Variants in BHLHA15 observed in about 807,000 individuals in gnomAD.
BHLHA15 encodes the protein class A basic helix-loop-helix protein 15.
Under a neutral mutation model 10.4 loss-of-function variants are expected in BHLHA15, and 7 were observed. The observed-to-expected ratio is 0.67, with a 90% confidence interval of 0.38 to 1.26. The LOEUF (loss-of-function observed/expected upper bound fraction) is 1.26, where lower values mean the gene tolerates loss of function less well. Ranked by LOEUF, BHLHA15 falls within the 50% of genes most tolerant of loss-of-function variation. The pLI, the probability that BHLHA15 is intolerant of heterozygous loss-of-function variation, is 0.02. For missense variants in BHLHA15, 289 were observed against 287.4 expected, an observed-to-expected ratio of 1.01 and a Z score of -0.04; for synonymous variants, 140 against 131.5, an observed-to-expected ratio of 1.06 and a Z score of -0.44.
rs1797939442 is a variant in BHLHA15 at position 98,213,444 on chromosome 7, C to T, written c.*565C>T. On this transcript the variant is annotated 3_prime_UTR_variant, in exon 2 of 2. Transcript: ENST00000609256. ...CAGAGATGATTGGAGCTGCCAGAAACTCTAATCAGATGACCTCCAATTCAT... is the reference window on the plus strand; with the variant it reads ...CAGAGATGATTGGAGCTGCCAGAAATTCTAATCAGATGACCTCCAATTCAT... Among the ~76,000 whole-genome samples, 1 of 152,208 alleles carries T rather than the reference C, an allele frequency of 6.6e-6. No homozygotes were observed. Among genetic ancestry groups the T allele is most frequent in the African/African-American group, 2.4e-5 (1 of 41,450 alleles).
At position 98,212,618 on chromosome 7, in the gene BHLHA15, C is replaced by T; in HGVS notation, c.309C>T (p.Pro103=). 6.2e-7 allele frequency: 1 copy of T among 1,607,238 alleles called. No homozygotes were observed. The highest frequency in any genetic ancestry group is 8.5e-7 in the Non-Finnish European group (1 of 1,177,912). ...TCCAGGCCCTGCGTGAAGTCATCCCCCACGTGCGCGCGGACAAGAAGCTCT... is the reference window on the plus strand; with the variant it reads ...TCCAGGCCCTGCGTGAAGTCATCCCTCACGTGCGCGCGGACAAGAAGCTCT... The part of the protein sequence containing the change: ...NAFQALREVI[P]HVRADKKLSK... The change falls in exon 2 of 2, where the codon CCC becomes CCT. Residue 103 remains proline (P), a synonymous_variant. Coordinates refer to ENST00000609256, the MANE Select transcript of BHLHA15 (RefSeq NM_177455.4).
rs991838288 is a variant in BHLHA15, at chr7:98,215,235, C to A, written c.*2356C>A. On this transcript the variant is annotated 3_prime_UTR_variant, in exon 2 of 2. Transcript: ENST00000609256. ...CCTGAGAGCTCCGAAGGCGCGATCC[C>A]CATCCCCACCAGTGGAGAAGCCAGA... The A allele has an allele frequency of 6.6e-6, 1 of 152,266 alleles. No individual in the cohort carries two copies. Among genetic ancestry groups the A allele is most frequent in the Non-Finnish European group, 1.5e-5 (1 of 68,066 alleles). The allele number at this position is 152,266 out of a possible 1,614,324, so 9.4% of individuals were successfully genotyped here.
Position 98,213,819 on chromosome 7 carries a change from G to C in BHLHA15, c.*940G>C, listed in dbSNP as rs897079834. 6.6e-6 allele frequency among the ~76,000 whole-genome samples: 1 copy of C among 152,222 alleles called. No homozygotes were observed. The highest frequency in any genetic ancestry group is 2.4e-5 in the African/African-American group (1 of 41,454). On this transcript the variant is annotated 3_prime_UTR_variant, in exon 2 of 2. Coordinates refer to ENST00000609256, the MANE Select transcript of BHLHA15 (RefSeq NM_177455.4). ...GTTATCATATAATTGGCACCATGCT[G>C]TCTGTAGGACATTATGACGTGCTTG... is the stretch of plus-strand genomic sequence containing the variant.
rs1408681199 is a variant in BHLHA15, at chr7:98,213,706, C to A, written c.*827C>A. Among the ~76,000 whole-genome samples the A allele has an allele frequency of 1.3e-5, 2 of 152,222 alleles. No homozygotes were observed. The highest frequency in any genetic ancestry group is 4.8e-5 in the African/African-American group (2 of 41,466). On this transcript the variant is annotated 3_prime_UTR_variant, in exon 2 of 2. Coordinates refer to ENST00000609256, the MANE Select transcript of BHLHA15 (RefSeq NM_177455.4). ...TGCTCCCCAAGAGCAGCTCTGAGGC[C>A]TCCTGCTCAGCCCTGGCCTGTGTGG... is the stretch of plus-strand genomic sequence containing the variant.
rs1314537481 is a variant in BHLHA15, at chr7:98,213,057, C to T, written c.*178C>T. On this transcript the variant is annotated 3_prime_UTR_variant, in exon 2 of 2. Coordinates refer to ENST00000609256, the MANE Select transcript of BHLHA15 (RefSeq NM_177455.4). ...TTCCCTGGAGCAATTTTTCCTGCCC[C>T]GCTGGGGACCAGCGAGTGGCCTAGT... 12 of 628,934 alleles carry T rather than the reference C, an allele frequency of 1.9e-5. No individual in the cohort carries two copies. The highest frequency in any genetic ancestry group is 7.2e-5 in the Admixed American group (2 of 27,712). The allele number at this position is 628,934 out of a possible 1,614,324, so 39.0% of individuals were successfully genotyped here.
At position 98,212,540 on chromosome 7, in the gene BHLHA15, G is replaced by T. The variant is rs1198983069; in HGVS notation, c.231G>T (p.Arg77=). The change falls in exon 2 of 2, where the codon CGG becomes CGT. Residue 77 remains arginine, a synonymous_variant. Coordinates refer to ENST00000609256, the MANE Select transcript of BHLHA15 (RefSeq NM_177455.4). ...GTCGTGACAGCAGCATCCAGCGGCG[G>T]CTGGAGAGCAACGAGAGGGAGCGGC... ...GGRRDSSIQR[R]LESNERERQR... 6.3e-7 allele frequency: 1 copy of T among 1,595,268 alleles called. No individual in the cohort carries two copies. The highest frequency in any genetic ancestry group is 8.5e-7 in the Non-Finnish European group (1 of 1,173,626).
rs750613099 is a variant in BHLHA15, at chr7:98,212,443, C to T, written c.134C>T (p.Pro45Leu). 7.9e-6 allele frequency: 12 copies of T among 1,521,836 alleles called. No homozygotes were observed. Among genetic ancestry groups the T allele is most frequent in the South Asian group, 2.4e-5 (2 of 81,658 alleles). 94.3% of individuals were successfully genotyped at this position (1,521,836 alleles called of 1,614,324 possible). ...PEPAKGLRSR[P>L]ARAAARAPGE... ...CCGGCCAAGGGTCTGCGGAGCCGGC[C>T]GGCCCGGGCCGCAGCAAGGGCTCCG... The change falls in exon 2 of 2, where the codon CCG becomes CTG. Residue 45 changes from proline to leucine, a missense_variant. Coordinates refer to ENST00000609256, the MANE Select transcript of BHLHA15 (RefSeq NM_177455.4).
Position 98,212,812 on chromosome 7 carries a change from A to T in BHLHA15, c.503A>T (p.Glu168Val). ...QVAGGALGAT[E>V]AQPQGHLQRY... ...GCTGGGGGTGCGTTGGGGGCCACGGAGGCCCAGCCCCAGGGCCACCTGCAG... is the reference window on the plus strand; with the variant it reads ...GCTGGGGGTGCGTTGGGGGCCACGGTGGCCCAGCCCCAGGGCCACCTGCAG... Residue 168 changes from glutamate to valine, a missense_variant, in exon 2 of 2, where the codon GAG becomes GTG. Physicochemically the swap from Glu to Val is moderately radical, Grantham distance 121. Coordinates refer to ENST00000609256, the MANE Select transcript of BHLHA15 (RefSeq NM_177455.4). The T allele has an allele frequency of 6.5e-7, 1 of 1,549,416 alleles. No homozygotes were observed. Among genetic ancestry groups the T allele is most frequent in the Non-Finnish European group, 8.7e-7 (1 of 1,149,856 alleles).
rs780228961 is a variant in BHLHA15 at position 98,213,440 on chromosome 7, G to GA, written c.*564dup. ...CAATCAGAGATGATTGGAGCTGCCA[G>GA]AAACTCTAATCAGATGACCTCCAAT... On this transcript the variant is annotated 3_prime_UTR_variant, in exon 2 of 2. Coordinates refer to ENST00000609256, the MANE Select transcript of BHLHA15 (RefSeq NM_177455.4). Among the ~76,000 whole-genome samples the GA allele has an allele frequency of 3.3e-5, 5 of 152,256 alleles. No homozygotes were observed. The highest frequency in any genetic ancestry group is 9.6e-5 in the African/African-American group (4 of 41,470).
In BHLHA15 at chr7:98,213,108, G is replaced by A. The variant is rs961058212; in HGVS notation, c.*229G>A. The A allele has an allele frequency of 2.3e-5, 12 of 524,712 alleles. No homozygotes were observed. The highest frequency in any genetic ancestry group is 8.3e-5 in the South Asian group (3 of 36,300). The allele number at this position is 524,712 out of a possible 1,614,324, so 32.5% of individuals were successfully genotyped here. On this transcript the variant is annotated 3_prime_UTR_variant, in exon 2 of 2. Coordinates refer to ENST00000609256, the MANE Select transcript of BHLHA15 (RefSeq NM_177455.4). The stretch of plus-strand genomic sequence containing the variant: ...TGCGGCTGTGGCCCTGGACAGCGGC[G>A]TGAGGCCCAAACCTCTAGGTAGGGC...
At position 98,215,443 on chromosome 7, in the gene BHLHA15, T is replaced by C. The variant is rs1234616717; in HGVS notation, c.*2564T>C. 3.3e-5 allele frequency: 5 copies of C among 152,266 alleles called. No individual in the cohort carries two copies. The highest frequency in any genetic ancestry group is 2.0e-4 in the Admixed American group (3 of 15,292). 9.4% of individuals were successfully genotyped at this position (152,266 alleles called of 1,614,324 possible). Reference sequence around the variant, plus strand: ...ACAAAAATAAAAGATTTCACAGCAATGTCTGCTTCAGGCACACGGGGAACC... The same window carrying C: ...ACAAAAATAAAAGATTTCACAGCAACGTCTGCTTCAGGCACACGGGGAACC... On this transcript the variant is annotated 3_prime_UTR_variant, in exon 2 of 2. Coordinates refer to ENST00000609256, the MANE Select transcript of BHLHA15 (RefSeq NM_177455.4).
Position 98,213,919 on chromosome 7 carries a change from C to T in BHLHA15, c.*1040C>T, listed in dbSNP as rs1797946535. 6.6e-6 allele frequency among the ~76,000 whole-genome samples: 1 copy of T among 152,200 alleles called. No individual in the cohort carries two copies. Among genetic ancestry groups the T allele is most frequent in the Non-Finnish European group, 1.5e-5 (1 of 68,026 alleles). On this transcript the variant is annotated 3_prime_UTR_variant, in exon 2 of 2. Transcript: ENST00000609256. ...CTTGGGGTGGCAGGTACGTCCCTTC[C>T]CCCGCCCAGGTGCTTCATCCTCATG...
At position 98,212,800 on chromosome 7, in the gene BHLHA15, T is replaced by C. The variant is rs1368593965; in HGVS notation, c.491T>C (p.Leu164Ser). 6.5e-7 allele frequency: 1 copy of C among 1,549,050 alleles called. No individual in the cohort carries two copies. Among genetic ancestry groups the C allele is most frequent in the Admixed American group, 2.1e-5 (1 of 48,360 alleles). The part of the protein sequence containing the change: ...QQQQQVAGGA[L>S]GATEAQPQGH... ...CAGCAGCAGGTGGCTGGGGGTGCGT[T>C]GGGGGCCACGGAGGCCCAGCCCCAG... Residue 164 changes from leucine to serine, a missense_variant, in exon 2 of 2, where the codon TTG (leucine) becomes TCG (serine). Leu to Ser is a moderately radical substitution (Grantham distance 145). Coordinates refer to ENST00000609256, the MANE Select transcript of BHLHA15 (RefSeq NM_177455.4).
chr7:98,212,937 C>G lies in BHLHA15; in HGVS notation c.*58C>G, dbSNP rs765944232. 121 of 1,450,344 alleles carry G rather than the reference C, an allele frequency of 8.3e-5. 1 individual carries two copies. The highest frequency in any genetic ancestry group is 2.7e-5 in the Non-Finnish European group (29 of 1,093,718). 89.8% of individuals were successfully genotyped at this position (1,450,344 alleles called of 1,614,324 possible). A position where few individuals can be genotyped will look rare whatever the true frequency, so the allele number is the denominator to read the frequency against. ...CAGCTGCCTGGCCTGCTCCTCCCAG[C>G]CCCAGTCCCTCCAAGCCACGAGCCC... is the stretch of plus-strand genomic sequence containing the variant. On this transcript the variant is annotated 3_prime_UTR_variant, in exon 2 of 2. Transcript: ENST00000609256.
In BHLHA15 at chr7:98,212,290, A is replaced by G. The variant is rs1797916713; in HGVS notation, c.-20A>G. 5 of 1,336,232 alleles carry G rather than the reference A, an allele frequency of 3.7e-6. No individual in the cohort carries two copies. The South Asian group carries it at 1.1e-4, about 29-fold the overall frequency. 82.8% of individuals were successfully genotyped at this position (1,336,232 alleles called of 1,614,324 possible). On this transcript the variant is annotated 5_prime_UTR_variant, in exon 2 of 2. Coordinates refer to ENST00000609256, the MANE Select transcript of BHLHA15 (RefSeq NM_177455.4). ...CCTCACCTTCCTGCCGCCACCTCCT[A>G]GGACAGCCAGTCCAGGGCCATGAAG...
In BHLHA15 at chr7:98,213,558, G is replaced by T. The variant is rs780225263; in HGVS notation, c.*679G>T. Among the ~76,000 whole-genome samples, 1 of 152,210 alleles carries T rather than the reference G, an allele frequency of 6.6e-6. No homozygotes were observed. Among genetic ancestry groups the T allele is most frequent in the Non-Finnish European group, 1.5e-5 (1 of 68,042 alleles). The stretch of plus-strand genomic sequence containing the variant: ...CCTGGATGTGTTGACTCCAGGCTGT[G>T]CCTGGTTGTGGAGGGTCTGGGGCAG... On this transcript the variant is annotated 3_prime_UTR_variant, in exon 2 of 2. Coordinates refer to ENST00000609256, the MANE Select transcript of BHLHA15 (RefSeq NM_177455.4).
rs564004252 is a variant in BHLHA15 at position 98,212,444 on chromosome 7, G to C, written c.135G>C (p.Pro45=). 1 of 1,526,002 alleles carries C rather than the reference G, an allele frequency of 6.6e-7. No individual in the cohort carries two copies. Among genetic ancestry groups the C allele is most frequent in the Non-Finnish European group, 8.8e-7 (1 of 1,136,996 alleles). The allele number at this position is 1,526,002 out of a possible 1,614,324, so 94.5% of individuals were successfully genotyped here. ...PEPAKGLRSR[P]ARAAARAPGE... ...CGGCCAAGGGTCTGCGGAGCCGGCCGGCCCGGGCCGCAGCAAGGGCTCCGG... is the reference window on the plus strand; with the variant it reads ...CGGCCAAGGGTCTGCGGAGCCGGCCCGCCCGGGCCGCAGCAAGGGCTCCGG... Residue 45 remains proline (P), a synonymous_variant, in exon 2 of 2, where the codon CCG becomes CCC. Coordinates refer to ENST00000609256, the MANE Select transcript of BHLHA15 (RefSeq NM_177455.4).
rs765944232 is a variant in BHLHA15, at chr7:98,212,937, C to A, written c.*58C>A. On this transcript the variant is annotated 3_prime_UTR_variant, in exon 2 of 2. Transcript: ENST00000609256. ...CAGCTGCCTGGCCTGCTCCTCCCAGCCCCAGTCCCTCCAAGCCACGAGCCC... is the reference window on the plus strand; with the variant it reads ...CAGCTGCCTGGCCTGCTCCTCCCAGACCCAGTCCCTCCAAGCCACGAGCCC... The A allele has an allele frequency of 9.2e-5, 133 of 1,450,222 alleles. No homozygotes were observed. Among genetic ancestry groups the A allele is most frequent in the Non-Finnish European group, 1.2e-4 (130 of 1,093,722 alleles). 89.8% of individuals were successfully genotyped at this position (1,450,222 alleles called of 1,614,324 possible). A position where few individuals can be genotyped will look rare whatever the true frequency, so the allele number is the denominator to read the frequency against.
chr7:98,212,559 GAGCGGC>G lies in BHLHA15; in HGVS notation c.256_261del (p.Gln86_Arg87del). ...GCGGCGGCTGGAGAGCAACGAGAGG[GAGCGGC>G]AGCGGATGCACAAGCTAAATAACGC... is the stretch of plus-strand genomic sequence containing the variant. On this transcript the variant is annotated inframe_deletion, in exon 2 of 2. Transcript: ENST00000609256. 1 of 1,601,252 alleles carries G rather than the reference GAGCGGC, an allele frequency of 6.2e-7. No homozygotes were observed. Among genetic ancestry groups the G allele is most frequent in the Non-Finnish European group, 8.5e-7 (1 of 1,176,098 alleles).
Sources: gnomAD v4.1 joint callset for allele counts (sites outside exome capture counted in the v4.1 genomes callset) on GRCh38, gnomAD v4.1.1 for gene constraint, MANE v1.5 for transcripts, NCBI Gene and HGNC (gene_info 2026-07-23, HGNC 2026-07-21) for gene names.